The following NAA40 variants were observed in gnomAD, a reference collection of about 807,000 sequenced individuals.
NAA40 encodes the protein N-alpha-acetyltransferase 40.
A neutral mutation model predicts 36.6 loss-of-function variants in NAA40; 26 were observed. That is an observed-to-expected ratio of 0.71 (90% CI 0.52 to 0.98). The LOEUF (loss-of-function observed/expected upper bound fraction) is 0.98. Among genes scored for constraint, NAA40 ranks in the 50% least tolerant of loss-of-function variants. NAA40 has a pLI of 0.00. For missense variants in NAA40, 237 were observed against 306.5 expected, an observed-to-expected ratio of 0.77 and a Z score of 1.69; for synonymous variants, 129 against 108.4, an observed-to-expected ratio of 1.19 and a Z score of -1.18.
At chr11:63,947,158 G>A (rs1942201721) in intron 3 of NAA40, among the ~76,000 whole-genome samples, 155 bp downstream of exon 3, 1 of 152,166 alleles carries the variant, frequency 6.6e-6, no homozygotes, top group African/African-American at 2.4e-5. Context: ...TGTAATCCAA[G>A]CACTTTGGGA....
At chr11:63,943,427 C>T (rs139919758) in intron 1 of NAA40, among the ~76,000 whole-genome samples, 1 of 152,276 alleles carries the variant, frequency 6.6e-6, no homozygotes, top group Non-Finnish European at 1.5e-5. Flanking sequence ...CAGGCCTTAT[C>T]GTGGCAGGGT....
chr11:63,953,820 G>T, intron 6 of NAA40, 152 bp from the exon 7 acceptor site: 1 of 678,852 alleles, frequency 1.5e-6, no homozygotes, highest in East Asian at 2.5e-5. Flanking sequence ...TGTAGAAATG[G>T]GGTCCCACTA....
At chr11:63,944,874 G>A (rs1055349175) in intron 1 of NAA40, among the ~76,000 whole-genome samples, 2 of 143,926 alleles carry the variant, frequency 1.4e-5, no homozygotes, top group African/African-American at 2.6e-5. Flanking sequence ...CTGCATTCCA[G>A]CTTGGGTGAA....
In NAA40 at chr11:63,952,499, G is replaced by C. The variant is rs1342767574; in HGVS notation, c.344G>C (p.Ser115Thr). ...TGGTACCTCATCGCGTGGGAAAACA[G>C]CTCCGTCCCTGTTGCCTTTTCTCAC... ...RAWYLIAWEN[S>T]SVPVAFSHFR... The change falls in exon 5 of 8, where the codon AGC (serine) becomes ACC (threonine). Residue 115 changes from serine (S) to threonine (T), a missense_variant. Physicochemically the swap from Ser to Thr is moderately conservative, Grantham distance 58. Transcript: ENST00000377793. 2 of 1,614,074 alleles carry C rather than the reference G, an allele frequency of 1.2e-6. No homozygotes were observed. Among genetic ancestry groups the C allele is most frequent in the African/African-American group, 2.7e-5 (2 of 74,938 alleles).
Position 63,946,937 on chromosome 11 carries a change from C to G in NAA40, c.103-14C>G. 1 of 1,614,048 alleles carries G rather than the reference C, an allele frequency of 6.2e-7. No individual in the cohort carries two copies. The highest frequency in any genetic ancestry group is 1.7e-5 in the Admixed American group (1 of 60,004). On this transcript the variant is annotated splice_polypyrimidine_tract_variant and intron_variant, in intron 2 of 7. Coordinates refer to ENST00000377793, the MANE Select transcript of NAA40 (RefSeq NM_024771.4). ...CACTTGTCTGTGCTGTTCCTCTTTT[C>G]TTTCCCTCCACAGCTTGGAGACCCT...
rs1412492911 is a variant in NAA40, at chr11:63,955,077, G to T, written c.*598G>T. On this transcript the variant is annotated 3_prime_UTR_variant, in exon 8 of 8. Transcript: ENST00000377793. ...CCAGCTGTTTTTATGGATTCATGGA[G>T]TGGGCTCATGTTGGGACCAGCTGAC... 6.5e-6 allele frequency: 1 copy of T among 152,704 alleles called. No individual in the cohort carries two copies. The allele number at this position is 152,704 out of a possible 1,614,324, so 9.5% of individuals were successfully genotyped here.
chr11:63,942,409 A>G (rs183994160), intron 1 of NAA40, among the ~76,000 whole-genome samples: 11 of 152,232 alleles, frequency 7.2e-5, no homozygotes, highest in Admixed American at 7.2e-4. Flanking sequence ...TGCGAGCCCC[A>G]TTTTATGGAG....
chr11:63,950,003 C>T (rs1162955078), intron 3 of NAA40, among the ~76,000 whole-genome samples: 1 of 152,188 alleles, frequency 6.6e-6, no homozygotes. Context: ...CTCGGCCTCC[C>T]AAAGTGCTGG....
intron 7 of NAA40, 144 bp downstream of exon 7, chr11:63,954,193 A>G: frequency 7.6e-7 from 1 of 1,308,402 alleles, no homozygotes; most frequent in East Asian, 2.3e-5. Flanking sequence ...ATGGTATGGC[A>G]GTGCTCTCTG....
chr11:63,952,181 C>A, intron 3 of NAA40, 57 bp from the exon 4 acceptor site: 1 of 1,335,958 alleles, frequency 7.5e-7, no homozygotes, highest in Non-Finnish European at 1.1e-6. Context: ...GGAGGAACAG[C>A]AGTGCCCTGG....
chr11:63,945,227 C>G (rs577368370), intron 1 of NAA40, among the ~76,000 whole-genome samples: 17 of 152,296 alleles, frequency 1.1e-4, no homozygotes, highest in Non-Finnish European at 2.4e-4. Flanking sequence ...GCCCTCTGCC[C>G]TGTCACTGGG....
At chr11:63,940,271 G>A (rs527261013) in intron 1 of NAA40, among the ~76,000 whole-genome samples, 1 of 152,014 alleles carries the variant, frequency 6.6e-6, no homozygotes, top group East Asian at 1.9e-4. Context: ...GGCTGGTCTC[G>A]AACTCCTGAC....
rs950366199 is a variant in NAA40 at position 63,955,507 on chromosome 11, A to T, written c.*1028A>T. ...GGGTAGGGCACACCTCCCCACAGCC[A>T]CCCTCCCTCTTCAGAGAGCCCCCAG... On this transcript the variant is annotated 3_prime_UTR_variant, in exon 8 of 8. Transcript: ENST00000377793. 1 of 152,228 alleles carries T rather than the reference A, an allele frequency of 6.6e-6. No individual in the cohort carries two copies. Among genetic ancestry groups the T allele is most frequent in the Non-Finnish European group, 1.5e-5 (1 of 67,978 alleles). The allele number at this position is 152,228 out of a possible 1,614,324, so 9.4% of individuals were successfully genotyped here. A position where few individuals can be genotyped will look rare whatever the true frequency, so the allele number is the denominator to read the frequency against.
chr11:63,946,052 C>G (rs1415033240), intron 2 of NAA40, 117 bp downstream of exon 2: 2 of 866,784 alleles, frequency 2.3e-6, no homozygotes. Context: ...CACACCGCCT[C>G]TGCCTCCTTG....
Position 63,957,212 on chromosome 11 carries a change from A to ATATATATATATTTTT in NAA40, c.*2734_*2735insATATATATATTTTTT, listed in dbSNP as rs1278673521. On this transcript the variant is annotated 3_prime_UTR_variant, in exon 8 of 8. Coordinates refer to ENST00000377793, the MANE Select transcript of NAA40 (RefSeq NM_024771.4). Reference sequence around the variant, plus strand: ...CCTTGATATATATATATATATATATATTTTTTTTTTTCTTTAGCAGCTTGT... The same window carrying ATATATATATATTTTT: ...CCTTGATATATATATATATATATATATATATATATATTTTTTTTTTTTTTTTCTTTAGCAGCTTGT... 3.1e-5 allele frequency: 2 copies of ATATATATATATTTTT among 64,298 alleles called. No individual in the cohort carries two copies. The highest frequency in any genetic ancestry group is 8.4e-5 in the African/African-American group (2 of 23,940). 4.0% of individuals were successfully genotyped at this position (64,298 alleles called of 1,614,324 possible). A position where few individuals can be genotyped will look rare whatever the true frequency, so the allele number is the denominator to read the frequency against.
intron 3 of NAA40, among the ~76,000 whole-genome samples, chr11:63,951,740 C>T (rs189281579): frequency 5.2e-4 from 79 of 152,184 alleles, no homozygotes; most frequent in East Asian, 5.0e-3. Flanking sequence ...GTAGTCTTCT[C>T]GAAGGACCTA....
chr11:63,951,858 T>G (rs894105036), intron 3 of NAA40, among the ~76,000 whole-genome samples: 2 of 152,160 alleles, frequency 1.3e-5, no homozygotes, highest in East Asian at 3.9e-4. Flanking sequence ...GAAAAATGCC[T>G]AAGGGCAGGA....
chr11:63,954,315 CT>C, intron 7 of NAA40, 22 bp from the exon 8 acceptor site: 1 of 1,569,048 alleles, frequency 6.4e-7, no homozygotes, highest in Non-Finnish European at 8.6e-7. Flanking sequence ...GCCACCAACC[CT>C]TTTCTCCTGC....
At chr11:63,950,966 A>G (rs1350444336) in intron 3 of NAA40, among the ~76,000 whole-genome samples, 3 of 152,240 alleles carry the variant, frequency 2.0e-5, no homozygotes, top group East Asian at 3.8e-4. Context: ...AGATAGGTGC[A>G]GTGCTGTGTT....
Sources: allele counts gnomAD v4.1 joint callset (sites outside exome capture counted in the v4.1 genomes callset), GRCh38; gene constraint gnomAD v4.1.1; transcripts MANE v1.5; gene names NCBI Gene and HGNC (gene_info 2026-07-23, HGNC 2026-07-21).